Variants in IL13RA1 observed in about 807,000 individuals in gnomAD.
IL13RA1 encodes the protein interleukin-13 receptor subunit alpha-1.
Under a neutral mutation model 33.8 loss-of-function variants are expected in IL13RA1, and 14 were observed. The observed-to-expected ratio is 0.41, with a 90% CI of 0.27 to 0.65. IL13RA1 has a LOEUF of 0.65. Ranked by LOEUF, IL13RA1 falls within the 30% of genes least tolerant of loss-of-function variation. The probability of loss-of-function intolerance (pLI) is 0.28; values close to 1 mark genes in which losing one functional copy is unlikely to be tolerated. For missense variants in IL13RA1, 313 were observed against 327.0 expected, an observed-to-expected ratio of 0.96 and a Z score of 0.33; for synonymous variants, 116 against 115.7, an observed-to-expected ratio of 1.00 and a Z score of -0.02.
chrX:118,781,728 A>G (rs1045204220), intron 10 of IL13RA1, among the ~76,000 whole-genome samples: 4 of 112,500 alleles, frequency 3.6e-5, no homozygotes, highest in African/African-American at 9.7e-5. Flanking sequence ...AAAATTATTA[A>G]TTCCTTAATT....
At chrX:118,790,880 C>T (rs1982222081) in intron 10 of IL13RA1, among the ~76,000 whole-genome samples, 1 of 111,655 alleles carries the variant, frequency 9.0e-6, no homozygotes. Flanking sequence ...TAACCTAATG[C>T]AGGGTTTGGT....
Position 118,732,852 on chromosome X carries a change from C to T in IL13RA1, c.88+5126C>T, listed in dbSNP as rs750790124. Among the ~76,000 whole-genome samples, 3 of 111,813 alleles carry T rather than the reference C, an allele frequency of 2.7e-5. No individual in the cohort carries two copies. The South Asian group carries it at 1.1e-3, about 42-fold the overall frequency. The stretch of plus-strand genomic sequence containing the variant: ...CAAGTCTTTGCTATTGTGAGTAGTG[C>T]TGCAATAAACATACGTGTGCATGTG... On this transcript the variant is annotated intron_variant, in intron 1 of 10. Coordinates refer to ENST00000371666, the MANE Select transcript of IL13RA1 (RefSeq NM_001560.3).
chrX:118,755,628 A>G (rs938471802), intron 4 of IL13RA1, among the ~76,000 whole-genome samples: 8 of 112,200 alleles, frequency 7.1e-5, no homozygotes, highest in African/African-American at 2.6e-4. Context: ...TTAAAATTTC[A>G]TTATCTGAGA....
chrX:118,759,539 A>G (rs1283423082), intron 5 of IL13RA1, among the ~76,000 whole-genome samples: 1 of 111,465 alleles, frequency 9.0e-6, no homozygotes, highest in Non-Finnish European at 1.9e-5. Context: ...AAGCTGAAGC[A>G]GAGCCCTTCT....
intron 1 of IL13RA1, chrX:118,738,173 T>G (rs2017302693): frequency 8.9e-6 from 1 of 112,106 alleles, no homozygotes; most frequent in African/African-American, 3.2e-5. Context: ...CTTCCCACAG[T>G]TGGACCTTGG....
At chrX:118,746,899 AT>A in intron 2 of IL13RA1, 54 bp from the exon 3 acceptor site, 1 of 917,175 alleles carries the variant, frequency 1.1e-6, no homozygotes, top group Non-Finnish European at 1.6e-6. Flanking sequence ...CTAATGTTTC[AT>A]TATATAAGTG....
chrX:118,797,933 C>T (rs1456764663), downstream of IL13RA1, among the ~76,000 whole-genome samples: 1 of 111,758 alleles, frequency 8.9e-6, no homozygotes, highest in Non-Finnish European at 1.9e-5. Flanking sequence ...CTTGTGAGAC[C>T]CTGAGCAGAG....
chrX:118,747,059 AT>A lies in IL13RA1; in HGVS notation c.338del (p.Leu113TrpfsTer17). The stretch of plus-strand genomic sequence containing the variant: ...CACCAATGAGAGTGAGAAGCCTAGC[AT>A]TTTGGTTGAAAAATGCATCTCACCC... ...CSTNESEKPS[I>X]LVEKCISPPE... On this transcript the variant is annotated frameshift_variant, in exon 3 of 11. Transcript: ENST00000371666. LOFTEE classifies it high-confidence loss of function. The A allele has an allele frequency of 8.6e-7, 1 of 1,169,458 alleles. No individual in the cohort carries two copies. The highest frequency in any genetic ancestry group is 1.2e-6 in the Non-Finnish European group (1 of 859,517).
intron 1 of IL13RA1, among the ~76,000 whole-genome samples, chrX:118,737,526 C>A (rs976177436): frequency 1.5e-4 from 17 of 111,195 alleles, no homozygotes; most frequent in Non-Finnish European, 3.2e-4. Context: ...GTAGAAAAAT[C>A]AAAAGATATG....
At chrX:118,761,744 A>G (rs1011882391) in intron 6 of IL13RA1, among the ~76,000 whole-genome samples, 5 of 111,729 alleles carry the variant, frequency 4.5e-5, no homozygotes, top group Non-Finnish European at 7.5e-5. Context: ...TGACTGGGAG[A>G]ACGAGAGGGA....
At chrX:118,737,685 T>C (rs1358210007) in intron 1 of IL13RA1, among the ~76,000 whole-genome samples, 4 of 112,572 alleles carry the variant, frequency 3.6e-5, no homozygotes, top group African/African-American at 1.3e-4. Flanking sequence ...GGGCAGGCCA[T>C]TGTTTTATTT....
intron 5 of IL13RA1, among the ~76,000 whole-genome samples, chrX:118,760,744 C>A (rs780109975): frequency 6.2e-4 from 69 of 112,157 alleles, no homozygotes; most frequent in African/African-American, 1.9e-3. Flanking sequence ...CTGCATATAT[C>A]TGCAGTTGTC....
intron 3 of IL13RA1, 92 bp from the exon 4 acceptor site, chrX:118,749,566 A>T: frequency 2.3e-6 from 2 of 861,288 alleles, no homozygotes; most frequent in Non-Finnish European, 1.7e-6. Flanking sequence ...AAGCAGCATG[A>T]AGCACTCTCA....
chrX:118,766,357 G>A (rs182611623), intron 6 of IL13RA1, among the ~76,000 whole-genome samples, 173 bp from the exon 7 acceptor site: 65 of 108,750 alleles, frequency 6.0e-4, no homozygotes, highest in African/African-American at 1.9e-3. Flanking sequence ...TTTTTCATAT[G>A]CATATGTAAT....
intron 10 of IL13RA1, among the ~76,000 whole-genome samples, chrX:118,785,412 T>C (rs769342837): frequency 9.0e-6 from 1 of 111,315 alleles, no homozygotes; most frequent in South Asian, 3.8e-4. Context: ...CCCTTTCACA[T>C]CCTCTTGAAT....
At chrX:118,768,225 T>C (rs1396468838) in intron 8 of IL13RA1, among the ~76,000 whole-genome samples, 2 of 112,225 alleles carry the variant, frequency 1.8e-5, no homozygotes, top group Non-Finnish European at 3.8e-5. Flanking sequence ...CAACAAGTTA[T>C]GTGCCAGGCA....
At chrX:118,765,408 C>T (rs1362931866) in intron 6 of IL13RA1, among the ~76,000 whole-genome samples, 1 of 111,542 alleles carries the variant, frequency 9.0e-6, no homozygotes, top group Non-Finnish European at 1.9e-5. Context: ...CTGTGCCTGG[C>T]CCAGAATGTA....
intron 2 of IL13RA1, among the ~76,000 whole-genome samples, chrX:118,745,385 T>C (rs971198937): frequency 9.5e-6 from 1 of 104,821 alleles, no homozygotes; most frequent in Non-Finnish European, 2.0e-5. Context: ...ACCCTCTTTT[T>C]CCTGCCTGTC....
intron 2 of IL13RA1, among the ~76,000 whole-genome samples, chrX:118,746,183 A>C (rs777710295): frequency 1.7e-3 from 183 of 110,558 alleles, no homozygotes; most frequent in African/African-American, 5.7e-3. Flanking sequence ...GCTAGAGTGC[A>C]ATCTTGGCTC....
Sources: allele counts gnomAD v4.1 joint callset (sites outside exome capture counted in the v4.1 genomes callset), GRCh38; gene constraint gnomAD v4.1.1; transcripts MANE v1.5; gene names NCBI Gene and HGNC (gene_info 2026-07-23, HGNC 2026-07-21).